The following IMMP2L variants were observed in gnomAD, a reference collection of about 807,000 sequenced individuals.
IMMP2L encodes the protein mitochondrial inner membrane protease subunit 2.
A neutral mutation model predicts 19.3 loss-of-function variants in IMMP2L; 18 were observed. The ratio of observed to expected loss-of-function variants is 0.93; its 90% CI spans 0.64 to 1.38. The LOEUF is 1.38. Among genes scored for constraint, IMMP2L ranks in the 40% most tolerant of loss-of-function variants. IMMP2L has a pLI of 0.00. For missense variants in IMMP2L, 233 were observed against 218.2 expected (o/e 1.07, Z -0.43); for synonymous variants, 76 against 73.0 (o/e 1.04, Z -0.21).
At chr7:110,850,643 ACCTGT>A (rs1189010759) in intron 5 of IMMP2L, among the ~76,000 whole-genome samples, 1 of 151,952 alleles carries the variant, frequency 6.6e-6, no homozygotes, top group Non-Finnish European at 1.5e-5. Context: ...TTTAGGGCTC[ACCTGT>A]CCTGTAACAC....
intron 5 of IMMP2L, among the ~76,000 whole-genome samples, chr7:110,823,631 TA>T (rs1484161503): frequency 6.6e-6 from 1 of 152,052 alleles, no homozygotes; most frequent in African/African-American, 2.4e-5. Flanking sequence ...CCTAACCTTA[TA>T]AAAGATCAGA....
At chr7:111,152,734 C>T (rs1158586314) in intron 3 of IMMP2L, among the ~76,000 whole-genome samples, 1 of 152,120 alleles carries the variant, frequency 6.6e-6, no homozygotes, top group East Asian at 1.9e-4. Flanking sequence ...ATTTCATCTT[C>T]TCCGAAGTTT....
chr7:110,925,800 GAGAAA>G (rs1000574309), intron 4 of IMMP2L, among the ~76,000 whole-genome samples: 67 of 151,952 alleles, frequency 4.4e-4, no homozygotes, highest in African/African-American at 1.5e-3. Context: ...CTCAATCCAC[GAGAAA>G]AGAAAATATT....
chr7:110,723,183 A>T (rs1025258456), intron 5 of IMMP2L, among the ~76,000 whole-genome samples: 2 of 152,228 alleles, frequency 1.3e-5, no homozygotes, highest in Admixed American at 1.3e-4. Flanking sequence ...TGGACCATAA[A>T]TGGGGATGCC....
chr7:111,105,187 T>C (rs1268406044), intron 3 of IMMP2L, among the ~76,000 whole-genome samples: 6 of 151,876 alleles, frequency 4.0e-5, no homozygotes, highest in Admixed American at 3.9e-4. Context: ...CCTTTAAAAA[T>C]TAATTTGATT....
chr7:111,095,371 T>C (rs1797294979), intron 3 of IMMP2L, among the ~76,000 whole-genome samples: 1 of 151,838 alleles, frequency 6.6e-6, no homozygotes, highest in Admixed American at 6.6e-5. Context: ...AAATTCTGCC[T>C]CCTTGGTCTT....
At chr7:111,158,561 G>C (rs928927810) in intron 3 of IMMP2L, among the ~76,000 whole-genome samples, 4 of 152,092 alleles carry the variant, frequency 2.6e-5, no homozygotes, top group African/African-American at 9.7e-5. Context: ...CAAAACTCTA[G>C]TTTTTCGAAT....
chr7:110,951,852 T>C (rs1196253267), intron 4 of IMMP2L, among the ~76,000 whole-genome samples: 1 of 152,090 alleles, frequency 6.6e-6, no homozygotes, highest in Non-Finnish European at 1.5e-5. Flanking sequence ...AATCAATAAC[T>C]TGAATGTATC....
At chr7:111,543,663 C>T (rs1484409340) in intron 1 of IMMP2L, among the ~76,000 whole-genome samples, 1 of 152,168 alleles carries the variant, frequency 6.6e-6, no homozygotes, top group Non-Finnish European at 1.5e-5. Flanking sequence ...GATCCAATCA[C>T]ATCTTTGTTA....
intron 5 of IMMP2L, among the ~76,000 whole-genome samples, chr7:110,669,085 G>T (rs1175044116): frequency 9.6e-6 from 1 of 103,788 alleles, no homozygotes; most frequent in Non-Finnish European, 1.8e-5. Flanking sequence ...GTGTGTGTGT[G>T]TGTGTATATG....
chr7:111,301,226 T>C (rs953836288), intron 3 of IMMP2L, among the ~76,000 whole-genome samples: 5 of 152,174 alleles, frequency 3.3e-5, no homozygotes, highest in Admixed American at 3.3e-4. Flanking sequence ...TTGTACTTAT[T>C]TGTCATCTGT....
intron 3 of IMMP2L, among the ~76,000 whole-genome samples, chr7:111,474,681 T>A (rs1841568126): frequency 6.6e-6 from 1 of 152,112 alleles, no homozygotes; most frequent in African/African-American, 2.4e-5. Context: ...ATTTCCCCCC[T>A]TGATTTATTA....
chr7:111,079,206 C>T (rs1563219750), intron 3 of IMMP2L, among the ~76,000 whole-genome samples: 1 of 149,982 alleles, frequency 6.7e-6, no homozygotes, highest in Non-Finnish European at 1.5e-5. Flanking sequence ...CAAGCTCCGC[C>T]TCCCGGGTTC....
chr7:111,217,122 T>TCACACACACACA (rs1333152322), intron 3 of IMMP2L, among the ~76,000 whole-genome samples: 21 of 140,472 alleles, frequency 1.5e-4, no homozygotes, highest in African/African-American at 5.3e-4. Context: ...TCTCTCTCTC[T>TCACACACACACA]CTCTCACACA....
At chr7:110,958,150 T>A (rs1818555305) in intron 4 of IMMP2L, among the ~76,000 whole-genome samples, 1 of 152,022 alleles carries the variant, frequency 6.6e-6, no homozygotes, top group Non-Finnish European at 1.5e-5. Context: ...GTCCAAAATT[T>A]CCCCATTGCA....
chr7:111,315,521 G>A (rs1489955089), intron 3 of IMMP2L, among the ~76,000 whole-genome samples: 2 of 151,750 alleles, frequency 1.3e-5, no homozygotes, highest in Admixed American at 6.6e-5. Context: ...AAAAATTTAC[G>A]TGGATATTTT....
intron 3 of IMMP2L, among the ~76,000 whole-genome samples, chr7:111,475,169 G>A (rs1841610945): frequency 6.6e-6 from 1 of 152,074 alleles, no homozygotes; most frequent in African/African-American, 2.4e-5. Context: ...CTCTGAGTAT[G>A]AGTAAACCTG....
intron 3 of IMMP2L, among the ~76,000 whole-genome samples, chr7:111,306,610 GT>G (rs1822901121): frequency 2.1e-4 from 1 of 4,732 alleles, no homozygotes; most frequent in African/African-American, 9.1e-4. Flanking sequence ...TGGACTCTGT[GT>G]GTGTGTGTGT....
chr7:110,907,621 C>T (rs1211041598), intron 4 of IMMP2L, among the ~76,000 whole-genome samples: 2 of 152,152 alleles, frequency 1.3e-5, no homozygotes, highest in Non-Finnish European at 2.9e-5. Context: ...GGGACCCACC[C>T]TCTTCTGCCC....
Sources: gnomAD v4.1 joint callset for allele counts (sites outside exome capture counted in the v4.1 genomes callset) on GRCh38, gnomAD v4.1.1 for gene constraint, MANE v1.5 for transcripts, NCBI Gene and HGNC (gene_info 2026-07-23, HGNC 2026-07-21) for gene names.